The following HNF4G variants were observed in gnomAD, a reference collection of about 807,000 sequenced individuals.
The protein encoded by HNF4G is hepatocyte nuclear factor 4 gamma, also known as hepatocyte nuclear factor 4-gamma.
HNF4G carries 21 observed loss-of-function variants against 50.9 expected under a neutral mutation model. The observed-to-expected ratio is 0.41, with a 90% CI of 0.29 to 0.59. The LOEUF (loss-of-function observed/expected upper bound fraction) is 0.59. Among genes scored for constraint, HNF4G ranks in the 20% least tolerant of loss-of-function variants. The probability of loss-of-function intolerance (pLI) is 0.26; values close to 1 mark genes in which losing one functional copy is unlikely to be tolerated. For synonymous variants in HNF4G, 198 were observed against 185.6 expected, an observed-to-expected ratio of 1.07 and a Z score of -0.54; for missense variants, 527 against 559.4, an observed-to-expected ratio of 0.94 and a Z score of 0.58.
chr8:75,444,623 G>A (rs1421583127), intron 1 of HNF4G, among the ~76,000 whole-genome samples: 2 of 129,120 alleles, frequency 1.5e-5, no homozygotes, highest in Admixed American at 7.8e-5. Flanking sequence ...GGCAGGGGTT[G>A]CAATCCTAGT....
intron 2 of HNF4G, among the ~76,000 whole-genome samples, chr8:75,545,239 A>ATATGTG (rs151192258): frequency 6.9e-6 from 1 of 145,486 alleles, no homozygotes; most frequent in African/African-American, 2.5e-5. Flanking sequence ...TTAAAATTGA[A>ATATGTG]TGTGTGTGTG....
At chr8:75,547,062 A>G (rs376586559) in intron 2 of HNF4G, among the ~76,000 whole-genome samples, 5 of 152,164 alleles carry the variant, frequency 3.3e-5, no homozygotes, top group African/African-American at 1.2e-4. Flanking sequence ...ACCTGTGTGT[A>G]AAGTCTTACC....
At chr8:75,449,799 G>A (rs1016770011) in intron 1 of HNF4G, among the ~76,000 whole-genome samples, 17 of 152,174 alleles carry the variant, frequency 1.1e-4, no homozygotes, top group Admixed American at 2.6e-4. Context: ...GAGCCACCGC[G>A]CCCGGCCTAT....
chr8:75,541,989 A>G (rs1234269862), intron 1 of HNF4G, among the ~76,000 whole-genome samples: 1 of 152,104 alleles, frequency 6.6e-6, no homozygotes, highest in African/African-American at 2.4e-5. Flanking sequence ...ATAAAGTTAT[A>G]TAAAAAACTA....
intron 1 of HNF4G, among the ~76,000 whole-genome samples, chr8:75,454,575 A>G (rs979815964): frequency 6.6e-6 from 1 of 152,102 alleles, no homozygotes; most frequent in African/African-American, 2.4e-5. Context: ...TTTCCAGAAG[A>G]CACAGAGCTT....
At chr8:75,506,385 G>C (rs1025065449) in intron 2 of HNF4G, among the ~76,000 whole-genome samples, 1 of 151,724 alleles carries the variant, frequency 6.6e-6, no homozygotes, top group African/African-American at 2.4e-5. Context: ...TATCTTCCAC[G>C]TTCACTGGCT....
intron 4 of HNF4G, among the ~76,000 whole-genome samples, chr8:75,552,603 A>G (rs1806991044): frequency 6.6e-6 from 1 of 152,130 alleles, no homozygotes; most frequent in African/African-American, 2.4e-5. Flanking sequence ...AACTGGGTAA[A>G]CGTTATGAAA....
intron 2 of HNF4G, among the ~76,000 whole-genome samples, chr8:75,504,165 G>A (rs1813003024): frequency 6.6e-6 from 1 of 151,440 alleles, no homozygotes. Flanking sequence ...AGGTTGCAGT[G>A]AGCTGAGATT....
intron 5 of HNF4G, among the ~76,000 whole-genome samples, chr8:75,553,604 T>C (rs1807031011): frequency 1.3e-5 from 2 of 152,154 alleles, no homozygotes; most frequent in East Asian, 3.9e-4. Flanking sequence ...TCCTCAGAAA[T>C]ACCAGGTCAC....
intron 1 of HNF4G, among the ~76,000 whole-genome samples, chr8:75,430,954 A>G (rs904461874): frequency 6.6e-6 from 1 of 152,194 alleles, no homozygotes; most frequent in Non-Finnish European, 1.5e-5. Context: ...AATGTTCAAA[A>G]TAATATAGAT....
At chr8:75,420,821 C>T (rs72658084) in intron 1 of HNF4G, among the ~76,000 whole-genome samples, 10,615 of 152,096 alleles carry the variant, frequency 0.07, 384 homozygotes, top group Middle Eastern at 0.11. Flanking sequence ...ATTAGGATGC[C>T]GAGTATTTAA....
chr8:75,538,009 G>A (rs1021869352), upstream of HNF4G, among the ~76,000 whole-genome samples: 14 of 152,068 alleles, frequency 9.2e-5, 1 homozygote, highest in African/African-American at 2.9e-4. Context: ...TAAAGAAACC[G>A]CTTCTTTTGC....
intron 1 of HNF4G, among the ~76,000 whole-genome samples, chr8:75,414,541 C>G (rs1276831409): frequency 6.6e-6 from 1 of 152,148 alleles, no homozygotes; most frequent in Non-Finnish European, 1.5e-5. Context: ...TTCTCCTGTT[C>G]CTTGCATTCC....
intron 2 of HNF4G, among the ~76,000 whole-genome samples, chr8:75,523,608 A>G (rs1421542606): frequency 6.6e-6 from 1 of 152,112 alleles, no homozygotes; most frequent in Non-Finnish European, 1.5e-5. Context: ...GTATGGGGAA[A>G]CTGGTATGTG....
At chr8:75,470,507 C>T (rs903232251) in intron 1 of HNF4G, among the ~76,000 whole-genome samples, 1 of 152,122 alleles carries the variant, frequency 6.6e-6, no homozygotes, top group Non-Finnish European at 1.5e-5. Context: ...TTTCATTTTA[C>T]ACCTTATTTC....
intron 1 of HNF4G, among the ~76,000 whole-genome samples, chr8:75,422,058 AC>A (rs1810788452): frequency 6.6e-6 from 1 of 152,220 alleles, no homozygotes; most frequent in South Asian, 2.1e-4. Flanking sequence ...AAAGATAACA[AC>A]AAAATAAATT....
chr8:75,414,210 C>T (rs1032954970), intron 1 of HNF4G, among the ~76,000 whole-genome samples: 1 of 152,114 alleles, frequency 6.6e-6, no homozygotes, highest in African/African-American at 2.4e-5. Flanking sequence ...GATCTGATTT[C>T]CGTCATTAAT....
rs188840156 is a variant in HNF4G, at chr8:75,502,092, C to T, written c.-24+11884C>T. Among the ~76,000 whole-genome samples the T allele has an allele frequency of 7.4e-3, 1,121 of 152,260 alleles. 12 individuals carry two copies. Among genetic ancestry groups the T allele is most frequent in the Non-Finnish European group, 0.012 (800 of 68,016 alleles). ...GGTCTTCATCTCCTGACCTTGTGAT[C>T]CACCTGCCTCGGCCTCCCAAAGTGT... On this transcript the variant is annotated intron_variant, in intron 2 of 10. Coordinates refer to the HNF4G transcript ENST00000354370.
intron 1 of HNF4G, among the ~76,000 whole-genome samples, chr8:75,478,063 C>T (rs1812281588): frequency 6.6e-6 from 1 of 152,046 alleles, no homozygotes; most frequent in African/African-American, 2.4e-5. Context: ...TGTAATCCCA[C>T]CACGTTGGGA....
Sources: allele counts gnomAD v4.1 joint callset (sites outside exome capture counted in the v4.1 genomes callset), GRCh38; gene constraint gnomAD v4.1.1; transcripts MANE v1.5; gene names NCBI Gene and HGNC (gene_info 2026-07-23, HGNC 2026-07-21).